MAP3K9: variants seen among roughly 807,000 people sequenced by gnomAD.
The protein encoded by MAP3K9 is mitogen-activated protein kinase kinase kinase 9, also known as mixed lineage kinase 1 (tyr and ser/thr specificity).
Under a neutral mutation model 95.8 loss-of-function variants are expected in MAP3K9, and 46 were observed. The observed-to-expected ratio is 0.48, with a 90% CI of 0.38 to 0.61. The LOEUF (loss-of-function observed/expected upper bound fraction) is 0.61, where lower values mean the gene tolerates loss of function less well. Ranked by LOEUF, MAP3K9 falls within the 20% of genes least tolerant of loss-of-function variation. The pLI, the probability that MAP3K9 is intolerant of heterozygous loss-of-function variation, is 0.00. For missense variants in MAP3K9, 1,296 were observed against 1,474.3 expected (o/e 0.88, Z 1.98); for synonymous variants, 533 against 593.8 (o/e 0.90, Z 1.49).
intron 2 of MAP3K9, among the ~76,000 whole-genome samples, chr14:70,790,192 A>C (rs888515972): frequency 4.6e-5 from 7 of 152,180 alleles, no homozygotes; most frequent in Non-Finnish European, 8.8e-5. Flanking sequence ...GAAGGGGACC[A>C]CTTGTGGGCT....
At chr14:70,804,731 G>A (rs147126651) in intron 1 of MAP3K9, among the ~76,000 whole-genome samples, 94 of 152,210 alleles carry the variant, frequency 6.2e-4, no homozygotes, top group Middle Eastern at 3.4e-3. Context: ...TCAGTACTAG[G>A]GTGCTGAAAG....
rs752675446 is a variant in MAP3K9, at chr14:70,735,968, G to A, written c.1906C>T (p.His636Tyr). Reference sequence around the variant, plus strand: ...GGTGAAGATGAGACTCACCCCAAGTGGAAATGTGGAGATTCTGATGGGGTA... The same window carrying A: ...GGTGAAGATGAGACTCACCCCAAGTAGAAATGTGGAGATTCTGATGGGGTA... Reference protein sequence around the residue: ...LSTPSESPHFHLGLKSLVDGY... With the variant: ...LSTPSESPHFYLGLKSLVDGY... The change falls in exon 9 of 12, where the codon CAC becomes TAC. Residue 636 changes from histidine (H) to tyrosine (Y), a missense_variant. Coordinates refer to ENST00000554752, the MANE Select transcript of MAP3K9 (RefSeq NM_001284230.2). 3 of 1,611,694 alleles carry A rather than the reference G, an allele frequency of 1.9e-6. No homozygotes were observed. Among genetic ancestry groups the A allele is most frequent in the Admixed American group, 3.3e-5 (2 of 60,016 alleles).
rs1213456156 is a variant in MAP3K9 at position 70,725,392 on chromosome 14, A to G, written c.*4988T>C. On this transcript the variant is annotated 3_prime_UTR_variant, in exon 12 of 12. Coordinates refer to ENST00000554752, the MANE Select transcript of MAP3K9 (RefSeq NM_001284230.2). ...GAAAGAGCAGTCTGAGAGGAAGTCC[A>G]TAAGAGACTCACCTGGCCTGCACGG... The G allele has an allele frequency of 1.3e-5, 2 of 152,262 alleles. No homozygotes were observed. Among genetic ancestry groups the G allele is most frequent in the African/African-American group, 2.4e-5 (1 of 41,468 alleles). 9.4% of individuals were successfully genotyped at this position (152,262 alleles called of 1,614,324 possible).
chr14:70,764,312 C>T (rs1345007723), intron 2 of MAP3K9, among the ~76,000 whole-genome samples: 1 of 148,348 alleles, frequency 6.7e-6, no homozygotes, highest in East Asian at 1.9e-4. Context: ...TTGCCCCTTC[C>T]AGAGGAACAA....
chr14:70,745,467 G>A (rs996762550), intron 5 of MAP3K9, among the ~76,000 whole-genome samples: 1 of 152,190 alleles, frequency 6.6e-6, no homozygotes, highest in Non-Finnish European at 1.5e-5. Context: ...GGCCGGCATG[G>A]TGTCTCACGC....
At chr14:70,763,399 T>C (rs908775624) in intron 2 of MAP3K9, among the ~76,000 whole-genome samples, 7 of 152,226 alleles carry the variant, frequency 4.6e-5, no homozygotes, top group Non-Finnish European at 1.0e-4. Flanking sequence ...TGTATTCTCA[T>C]GTGTCTGTGG....
intron 8 of MAP3K9, 51 bp from the exon 9 acceptor site, chr14:70,736,080 T>C: frequency 7.9e-7 from 1 of 1,260,580 alleles, no homozygotes; most frequent in South Asian, 1.2e-5. Flanking sequence ...CACATCCAGC[T>C]CAGCCTCTCC....
chr14:70,807,572 G>C (rs1328926214), intron 1 of MAP3K9, among the ~76,000 whole-genome samples: 1 of 152,044 alleles, frequency 6.6e-6, no homozygotes, highest in Non-Finnish European at 1.5e-5. Context: ...CTGTTACAAA[G>C]GAAATCTTAA....
At position 70,730,034 on chromosome 14, in the gene MAP3K9, G is replaced by A. The variant is rs140483651; in HGVS notation, c.*346C>T. On this transcript the variant is annotated 3_prime_UTR_variant, in exon 12 of 12. Transcript: ENST00000554752. ...ATGACAGCTCTGCGCACACCCAACT[G>A]GCTGAGGAGAGGGAGCAGCAGACAG... 1,104 of 268,990 alleles carry A rather than the reference G, an allele frequency of 4.1e-3. 12 individuals are homozygous for A. Among genetic ancestry groups the A allele is most frequent in the African/African-American group, 0.021 (976 of 45,916 alleles). The allele number at this position is 268,990 out of a possible 1,614,324, so 16.7% of individuals were successfully genotyped here. A position where few individuals can be genotyped will look rare whatever the true frequency, so the allele number is the denominator to read the frequency against.
chr14:70,776,852 G>A (rs2054605924), intron 2 of MAP3K9, among the ~76,000 whole-genome samples: 1 of 144,308 alleles, frequency 6.9e-6, no homozygotes, highest in Non-Finnish European at 1.5e-5. Context: ...TTTTTTTTGA[G>A]AGAAGTCTCG....
intron 2 of MAP3K9, among the ~76,000 whole-genome samples, chr14:70,794,273 A>G (rs1309667418): frequency 6.6e-6 from 1 of 152,222 alleles, no homozygotes; most frequent in Non-Finnish European, 1.5e-5. Flanking sequence ...AACCAAATAC[A>G]GTTCACCACT....
rs1404759737 is a variant in MAP3K9 at position 70,726,888 on chromosome 14, A to G, written c.*3492T>C. The G allele has an allele frequency of 1.3e-5, 2 of 152,284 alleles. No individual in the cohort carries two copies. The highest frequency in any genetic ancestry group is 6.5e-5 in the Admixed American group (1 of 15,288). 9.4% of individuals were successfully genotyped at this position (152,284 alleles called of 1,614,324 possible). A position where few individuals can be genotyped will look rare whatever the true frequency, so the allele number is the denominator to read the frequency against. On this transcript the variant is annotated 3_prime_UTR_variant, in exon 12 of 12. Transcript: ENST00000554752. ...ATACACCCAACTCCCTTGAGAGGAA[A>G]GCATGTGATGATTGCTTTTAAAGGA...
chr14:70,798,425 T>TATCTGCTTCTGTTTACCCCATCACTTA (rs71105736), intron 2 of MAP3K9, among the ~76,000 whole-genome samples: 1 of 148,988 alleles, frequency 6.7e-6, no homozygotes, highest in African/African-American at 2.5e-5. Context: ...TCCAGCAATA[T>TATCTGCTTCTGTTTACCCCATCACTTA]AAGCAATCTC....
At position 70,734,425 on chromosome 14, in the gene MAP3K9, T is replaced by C; in HGVS notation, c.1987A>G (p.Ser663Gly). The stretch of plus-strand genomic sequence containing the variant: ...CTGGTGAACCCTGGCAGGGCCGGGC[T>C]ACTCCTTGGGCCCTTCACCAGGTTG... ...APNLVKGPRS[S>G]PALPGFTSLM... The change falls in exon 10 of 12, where the codon AGC (serine) becomes GGC (glycine). Residue 663 changes from serine (S) to glycine (G), a missense_variant. Transcript: ENST00000554752. 1 of 1,614,160 alleles carries C rather than the reference T, an allele frequency of 6.2e-7. No homozygotes were observed.
Position 70,724,429 on chromosome 14 carries a change from G to GTT in MAP3K9, c.*5950_*5951insAA, listed in dbSNP as rs1435143546. On this transcript the variant is annotated 3_prime_UTR_variant, in exon 12 of 12. Coordinates refer to ENST00000554752, the MANE Select transcript of MAP3K9 (RefSeq NM_001284230.2). ...GGAAGGGCAAGTAAAAATTTAAAACGTATTTCACAGTGGTACCTAAGCCCC... is the reference window on the plus strand; with the variant it reads ...GGAAGGGCAAGTAAAAATTTAAAACGTTTATTTCACAGTGGTACCTAAGCCCC... The GTT allele has an allele frequency of 6.6e-6, 1 of 152,116 alleles. No homozygotes were observed. The highest frequency in any genetic ancestry group is 1.5e-5 in the Non-Finnish European group (1 of 68,032). The allele number at this position is 152,116 out of a possible 1,614,324, so 9.4% of individuals were successfully genotyped here.
intron 2 of MAP3K9, among the ~76,000 whole-genome samples, chr14:70,778,318 C>T (rs1405843918): frequency 6.6e-6 from 1 of 151,476 alleles, no homozygotes; most frequent in African/African-American, 2.4e-5. Context: ...CCTTTGTCAC[C>T]CAGGTTGGAG....
rs551815229 is a variant in MAP3K9, at chr14:70,761,110, G to T, written c.893C>A (p.Ala298Asp). 6.2e-7 allele frequency: 1 copy of T among 1,614,120 alleles called. No homozygotes were observed. Among genetic ancestry groups the T allele is most frequent in the Non-Finnish European group, 8.5e-7 (1 of 1,180,006 alleles). ...CTTGGTGGTTCGGTGCCATTCCCGA[G>T]CCAGGCCAAAATCAGTGATCTTCAG... ...KILKITDFGL[A>D]REWHRTTKMS... is the part of the protein sequence containing the mutation. Residue 298 changes from alanine (A) to aspartate (D), a missense_variant, in exon 3 of 12, where the codon GCT becomes GAT. Physicochemically the swap from Ala to Asp is moderately radical, Grantham distance 126. Transcript: ENST00000554752.
At chr14:70,756,292 A>G (rs147598426) in intron 3 of MAP3K9, among the ~76,000 whole-genome samples, 1 of 152,294 alleles carries the variant, frequency 6.6e-6, no homozygotes, top group Non-Finnish European at 1.5e-5. Flanking sequence ...AAACCTCTGG[A>G]GTGTGTGACA....
At chr14:70,745,413 T>C (rs767781267) in intron 5 of MAP3K9, among the ~76,000 whole-genome samples, 2 of 152,052 alleles carry the variant, frequency 1.3e-5, no homozygotes, top group Non-Finnish European at 2.9e-5. Flanking sequence ...TTGTCTTCCA[T>C]CCCCAGGAGA....
Sources: gnomAD v4.1 joint callset for allele counts (sites outside exome capture counted in the v4.1 genomes callset) on GRCh38, gnomAD v4.1.1 for gene constraint, MANE v1.5 for transcripts, NCBI Gene and HGNC (gene_info 2026-07-23, HGNC 2026-07-21) for gene names.